DIAPH2: variants seen among roughly 807,000 people sequenced by gnomAD.
DIAPH2 encodes diaphanous related formin 2.
DIAPH2 carries 35 observed loss-of-function variants against 92.7 expected under a neutral mutation model. The observed-to-expected ratio is 0.38, with a 90% CI of 0.29 to 0.50. DIAPH2 has a LOEUF of 0.50. Ranked by LOEUF, DIAPH2 falls within the 20% of genes least tolerant of loss-of-function variation. DIAPH2 has a pLI of 0.94. For missense variants in DIAPH2, 701 were observed against 819.5 expected (o/e 0.86, Z 1.77); for synonymous variants, 301 against 280.4 (o/e 1.07, Z -0.73).
At chrX:96,802,955 A>G (rs2064595227) in intron 4 of DIAPH2, among the ~76,000 whole-genome samples, 1 of 111,492 alleles carries the variant, frequency 9.0e-6, no homozygotes. Flanking sequence ...CAGGGCAGGG[A>G]GCATCCAGCA....
At chrX:96,712,050 T>A (rs994621424) in intron 1 of DIAPH2, among the ~76,000 whole-genome samples, 1 of 111,207 alleles carries the variant, frequency 9.0e-6, no homozygotes, top group African/African-American at 3.3e-5. Context: ...TACAAAGAGG[T>A]TGTAAAGGTA....
intron 26 of DIAPH2, among the ~76,000 whole-genome samples, chrX:97,583,258 T>C (rs1214526061): frequency 9.0e-6 from 1 of 111,391 alleles, no homozygotes. Flanking sequence ...CTCTGATTTT[T>C]AGAGTTTCCA....
intron 4 of DIAPH2, among the ~76,000 whole-genome samples, chrX:96,810,200 G>A (rs1275185948): frequency 8.9e-6 from 1 of 111,967 alleles, no homozygotes; most frequent in Non-Finnish European, 1.9e-5. Context: ...ACTTTTTAAT[G>A]ATTGCCGTTC....
In DIAPH2 at chrX:97,534,528, A is replaced by C. The variant is rs372742397; in HGVS notation, c.3242-64725A>C. Among the ~76,000 whole-genome samples the C allele has an allele frequency of 3.6e-5, 4 of 111,253 alleles. No individual in the cohort carries two copies. In the East Asian group the frequency reaches 1.1e-3, roughly 31 times the overall value. On this transcript the variant is annotated intron_variant, in intron 26 of 26. Coordinates refer to ENST00000324765, the MANE Select transcript of DIAPH2 (RefSeq NM_006729.5). ...CTGCAAATCAGTATTTTATATATTT[A>C]GTGAACTGCACAAAAGGCAACTTCT...
chrX:96,914,438 A>G (rs1027785081), intron 7 of DIAPH2, among the ~76,000 whole-genome samples: 6 of 111,500 alleles, frequency 5.4e-5, no homozygotes, highest in African/African-American at 1.9e-4. Flanking sequence ...TCTAGAATTC[A>G]GGAGATATAT....
intron 4 of DIAPH2, among the ~76,000 whole-genome samples, chrX:96,850,403 C>T (rs954107499): frequency 8.9e-6 from 1 of 111,842 alleles, no homozygotes; most frequent in Non-Finnish European, 1.9e-5. Flanking sequence ...AAATGAAGTA[C>T]GTAGTGTTTT....
At chrX:97,137,391 A>C (rs2067180724) in intron 21 of DIAPH2, among the ~76,000 whole-genome samples, 1 of 103,814 alleles carries the variant, frequency 9.6e-6, no homozygotes, top group South Asian at 4.6e-4. Flanking sequence ...TTTATTGACT[A>C]TCTAGTATTT....
chrX:97,412,067 C>T (rs1303422555), intron 25 of DIAPH2, among the ~76,000 whole-genome samples: 1 of 112,069 alleles, frequency 8.9e-6, no homozygotes, highest in Non-Finnish European at 1.9e-5. Context: ...TAGACATCTA[C>T]AGTACTCTCC....
chrX:96,862,325 C>A (rs2065077062), intron 4 of DIAPH2, among the ~76,000 whole-genome samples: 1 of 111,750 alleles, frequency 8.9e-6, no homozygotes, highest in African/African-American at 3.3e-5. Flanking sequence ...TAACAACAAG[C>A]ACAATGCCAA....
chrX:96,907,351 G>T (rs954813774), intron 5 of DIAPH2, among the ~76,000 whole-genome samples: 1 of 112,055 alleles, frequency 8.9e-6, no homozygotes, highest in African/African-American at 3.2e-5. Context: ...ATAATGAAAC[G>T]TATGTTTGTC....
At chrX:96,990,034 C>T (rs1228395633) in intron 17 of DIAPH2, among the ~76,000 whole-genome samples, 1 of 112,143 alleles carries the variant, frequency 8.9e-6, no homozygotes, top group African/African-American at 3.2e-5. Context: ...AAGTTACTTA[C>T]ATTTCTACAT....
intron 23 of DIAPH2, among the ~76,000 whole-genome samples, chrX:97,335,155 T>C (rs767445093): frequency 3.3e-4 from 37 of 110,597 alleles, no homozygotes; most frequent in African/African-American, 1.0e-3. Flanking sequence ...TAGTTAATAA[T>C]AGCATATATA....
At chrX:97,096,692 G>A (rs1312952133) in intron 19 of DIAPH2, among the ~76,000 whole-genome samples, 1 of 111,163 alleles carries the variant, frequency 9.0e-6, no homozygotes, top group Admixed American at 9.6e-5. Context: ...CTTTTTAAAT[G>A]TACTTGATTA....
In DIAPH2 at chrX:96,957,834, G is replaced by A. The variant is rs367682685; in HGVS notation, c.1621G>A (p.Val541Ile). The change falls in exon 16 of 27, where the codon GTA becomes ATA. Residue 541 changes from valine (V) to isoleucine (I), a missense_variant. Physicochemically the swap from Val to Ile is conservative, Grantham distance 29. Coordinates refer to ENST00000324765, the MANE Select transcript of DIAPH2 (RefSeq NM_006729.5). ...TGGATTATTTATATTTCAGGCACAA[G>A]TACTCTCAAGTTCATCAGGAATTCC... is the stretch of plus-strand genomic sequence containing the variant. Reference protein sequence around the residue: ...EIQQLRTQAQVLSSSSGIPGP... With the variant: ...EIQQLRTQAQILSSSSGIPGP... The A allele has an allele frequency of 1.3e-5, 16 of 1,193,087 alleles. No individual in the cohort carries two copies. Among genetic ancestry groups the A allele is most frequent in the Non-Finnish European group, 1.7e-5 (15 of 880,938 alleles).
chrX:96,900,231 A>G (rs1187015422), intron 5 of DIAPH2, among the ~76,000 whole-genome samples: 15 of 110,424 alleles, frequency 1.4e-4, no homozygotes, highest in Non-Finnish European at 2.7e-4. Flanking sequence ...TTGTTTGTTT[A>G]TTTGTTTTCG....
chrX:97,100,443 AT>A (rs1471016265), intron 20 of DIAPH2, among the ~76,000 whole-genome samples: 1 of 111,847 alleles, frequency 8.9e-6, no homozygotes. Context: ...TGAATTCAAG[AT>A]TATAGTTATA....
chrX:97,440,970 C>G (rs1415704692), intron 26 of DIAPH2, among the ~76,000 whole-genome samples: 1 of 111,535 alleles, frequency 9.0e-6, no homozygotes, highest in Non-Finnish European at 1.9e-5. Flanking sequence ...CCTTGTACCC[C>G]TTAAATTTAT....
At position 97,563,630 on chromosome X, in the gene DIAPH2, G is replaced by T. The variant is rs190015967; in HGVS notation, c.3242-35623G>T. On this transcript the variant is annotated intron_variant, in intron 26 of 26. Transcript: ENST00000324765. ...TTCACTGAAAGTGAAATGCCAAGCT[G>T]CCAGGGATCTACTGCATGAAGCTCT... 6.9e-3 allele frequency among the ~76,000 whole-genome samples: 773 copies of T among 111,906 alleles called. 4 individuals are homozygous for T. The highest frequency in any genetic ancestry group is 0.011 in the Non-Finnish European group (561 of 53,159).
intron 22 of DIAPH2, among the ~76,000 whole-genome samples, chrX:97,170,319 T>C (rs1207630100): frequency 8.9e-6 from 1 of 111,856 alleles, no homozygotes; most frequent in East Asian, 2.8e-4. Context: ...ACTATAATGT[T>C]TAGAGTTCTA....
Sources: allele counts gnomAD v4.1 joint callset (sites outside exome capture counted in the v4.1 genomes callset), GRCh38; gene constraint gnomAD v4.1.1; transcripts MANE v1.5; gene names NCBI Gene and HGNC (gene_info 2026-07-23, HGNC 2026-07-21).